TTC3: variants seen among roughly 807,000 people sequenced by gnomAD.
TTC3 encodes E3 ubiquitin-protein ligase TTC3.
In TTC3, 180 loss-of-function variants were observed where a neutral mutation model predicts 249.6. That is an observed-to-expected ratio of 0.72 (90% confidence interval 0.64 to 0.82). The LOEUF (loss-of-function observed/expected upper bound fraction) is 0.82. Among genes scored for constraint, TTC3 ranks in the 40% least tolerant of loss-of-function variants. The probability of loss-of-function intolerance (pLI) is 0.00; values close to 1 mark genes in which losing one functional copy is unlikely to be tolerated. For synonymous variants in TTC3, 717 were observed against 805.0 expected, an observed-to-expected ratio of 0.89 and a Z score of 1.85; for missense variants, 2,061 against 2,398.4, an observed-to-expected ratio of 0.86 and a Z score of 2.94.
chr21:37,200,168 A>G, intron 44 of TTC3, 64 bp from the exon 45 acceptor site: 1 of 1,491,118 alleles, frequency 6.7e-7, no homozygotes, highest in Non-Finnish European at 9.1e-7. Flanking sequence ...ACTTGAAGGA[A>G]GAACTCGTGT....
At chr21:37,178,195 A>G (rs938272185) in intron 35 of TTC3, among the ~76,000 whole-genome samples, 6 of 152,218 alleles carry the variant, frequency 3.9e-5, no homozygotes, top group African/African-American at 1.2e-4. Context: ...TTGTATGACT[A>G]TATCACATTT....
At chr21:37,185,812 T>C in intron 37 of TTC3, 38 bp downstream of exon 37, 1 of 1,299,916 alleles carries the variant, frequency 7.7e-7, no homozygotes, top group East Asian at 2.9e-5. Flanking sequence ...TATATTTTAA[T>C]ACTTTTAATG....
chr21:37,081,487 A>G (rs1281816734), intron 1 of TTC3: 1 of 152,182 alleles, frequency 6.6e-6, no homozygotes, highest in African/African-American at 2.4e-5. Flanking sequence ...TTTGTGTTAC[A>G]TCATTTCACT....
At chr21:37,139,012 A>T (rs1206159154) in intron 19 of TTC3, among the ~76,000 whole-genome samples, 1 of 152,178 alleles carries the variant, frequency 6.6e-6, no homozygotes, top group African/African-American at 2.4e-5. Flanking sequence ...GAGGACATAA[A>T]CATTGTGATC....
Position 37,119,259 on chromosome 21 carries a change from ATTT to A in TTC3, c.901-2554_901-2552del, listed in dbSNP as rs149292096. On this transcript the variant is annotated intron_variant, in intron 11 of 45. Transcript: ENST00000355666. ...TATAGTGGCATTTAATCTAGGGCTA[ATTT>A]TTTCCCCACTACTGAAGCAAAACTT... 9.2e-3 allele frequency among the ~76,000 whole-genome samples: 1,402 copies of A among 152,098 alleles called. 25 individuals carry two copies. The highest frequency in any genetic ancestry group is 0.032 in the African/African-American group (1,327 of 41,486).
chr21:37,098,821 G>A (rs923916414), intron 10 of TTC3: 7 of 152,150 alleles, frequency 4.6e-5, no homozygotes, highest in Non-Finnish European at 1.0e-4. Context: ...ATGTGCCATT[G>A]ACACAGGAGG....
exon 2 of TTC3, chr21:37,087,324 G>C: frequency 6.2e-7 from 1 of 1,614,062 alleles, no homozygotes; most frequent in Middle Eastern, 1.7e-4. Flanking sequence ...TTGCCCTCAC[G>C]TGGATGATTG....
Position 37,076,694 on chromosome 21 carries a change from AT to A in TTC3, c.-12+3356del, listed in dbSNP as rs61629167. The stretch of plus-strand genomic sequence containing the variant: ...AAACTCCCTTGGGGAAAACAAAGGG[AT>A]TTTTTTTTTTTTTTTTTTTTTTTTT... On this transcript the variant is annotated intron_variant, in intron 1 of 45. Coordinates refer to ENST00000355666, the Ensembl canonical transcript of TTC3. Among the ~76,000 whole-genome samples the A allele has an allele frequency of 4.3e-3, 406 of 94,978 alleles. 3 individuals are homozygous for A. Among genetic ancestry groups the A allele is most frequent in the East Asian group, 0.019 (60 of 3,150 alleles). 62.3% of individuals were successfully genotyped at this position (94,978 alleles called of 152,430 possible).
chr21:37,168,941 G>A (rs943434784), intron 34 of TTC3, among the ~76,000 whole-genome samples: 2 of 152,188 alleles, frequency 1.3e-5, no homozygotes, highest in African/African-American at 4.8e-5. Flanking sequence ...GCAAGCGGAT[G>A]TTGGCAGTTG....
intron 1 of TTC3, among the ~76,000 whole-genome samples, chr21:37,074,636 C>G (rs747932287): frequency 1.3e-5 from 2 of 148,354 alleles, no homozygotes; most frequent in South Asian, 2.2e-4. Context: ...TTCCTTATAA[C>G]TACGACTCTA....
rs566540641 is a variant in TTC3, at chr21:37,120,472, T to A, written c.901-1345T>A. 4.7e-3 allele frequency among the ~76,000 whole-genome samples: 722 copies of A among 152,352 alleles called. 8 individuals are homozygous for A. The highest frequency in any genetic ancestry group is 0.017 in the African/African-American group (692 of 41,584). On this transcript the variant is annotated intron_variant, in intron 11 of 45. Coordinates refer to ENST00000355666, the Ensembl canonical transcript of TTC3. The stretch of plus-strand genomic sequence containing the variant: ...TTGGTTTATGATCTATCATTATTTC[T>A]TATGCTAGCTGTGGGTTTTTTAATG...
At position 37,189,870 on chromosome 21, in the gene TTC3, G is replaced by A. The variant is rs551336662; in HGVS notation, c.5024+1275G>A. Among the ~76,000 whole-genome samples the A allele has an allele frequency of 1.9e-3, 247 of 132,072 alleles. 2 individuals are homozygous for A. The highest frequency in any genetic ancestry group is 6.0e-3 in the African/African-American group (207 of 34,602). The allele number at this position is 132,072 out of a possible 152,430, so 86.6% of individuals were successfully genotyped here. A position where few individuals can be genotyped will look rare whatever the true frequency, so the allele number is the denominator to read the frequency against. On this transcript the variant is annotated intron_variant, in intron 39 of 45. Transcript: ENST00000355666. Reference sequence around the variant, plus strand: ...GATTACAGGAGTGAGCCACCACGCCGGCCGGCCTTGTTTGTTTTTAAGATA... The same window carrying A: ...GATTACAGGAGTGAGCCACCACGCCAGCCGGCCTTGTTTGTTTTTAAGATA...
At chr21:37,095,868 A>C (rs1486814288) in intron 9 of TTC3, among the ~76,000 whole-genome samples, 1 of 152,232 alleles carries the variant, frequency 6.6e-6, no homozygotes, top group Admixed American at 6.5e-5. Context: ...GAATGCATAC[A>C]TGCTCTCTAC....
intron 12 of TTC3, among the ~76,000 whole-genome samples, chr21:37,122,573 T>C (rs1016965787): frequency 3.3e-5 from 5 of 151,766 alleles, no homozygotes; most frequent in African/African-American, 1.2e-4. Flanking sequence ...AGTCCCTTAG[T>C]CTACATTTTT....
At chr21:37,165,930 C>T in exon 33 of TTC3, 1 of 1,614,176 alleles carries the variant, frequency 6.2e-7, no homozygotes, top group Non-Finnish European at 8.5e-7. Context: ...AAACCCAAAC[C>T]TGTGTCTGCA....
At chr21:37,084,555 G>A (rs2147642356) in intron 1 of TTC3, among the ~76,000 whole-genome samples, 1 of 152,240 alleles carries the variant, frequency 6.6e-6, no homozygotes. Flanking sequence ...TGATATGCGA[G>A]GAAACACAGA....
At chr21:37,124,396 C>T (rs918073342) in intron 13 of TTC3, among the ~76,000 whole-genome samples, 2 of 151,940 alleles carry the variant, frequency 1.3e-5, no homozygotes, top group Admixed American at 6.6e-5. Flanking sequence ...GAATTACAGG[C>T]GTGAACCACT....
intron 1 of TTC3, among the ~76,000 whole-genome samples, chr21:37,074,186 CT>C (rs2070476214): frequency 6.6e-6 from 1 of 152,242 alleles, no homozygotes; most frequent in African/African-American, 2.4e-5. Context: ...CGCCGCTCCC[CT>C]CGCCCCCGCG....
At chr21:37,127,488 C>T (rs2077126549) in intron 15 of TTC3, among the ~76,000 whole-genome samples, 1 of 152,156 alleles carries the variant, frequency 6.6e-6, no homozygotes, top group Non-Finnish European at 1.5e-5. Flanking sequence ...TTAATACCAC[C>T]AGAGTTTGAT....
Sources: allele counts gnomAD v4.1 joint callset (sites outside exome capture counted in the v4.1 genomes callset), GRCh38; gene constraint gnomAD v4.1.1; transcripts MANE v1.5; gene names NCBI Gene and HGNC (gene_info 2026-07-23, HGNC 2026-07-21).